The following TENM2 variants were observed in gnomAD, a reference collection of about 807,000 sequenced individuals.
TENM2 encodes teneurin-2.
A neutral mutation model predicts 245.2 loss-of-function variants in TENM2; 52 were observed. That is an observed-to-expected ratio of 0.21 (90% CI 0.17 to 0.27). TENM2 has a LOEUF of 0.27. Ranked by LOEUF, TENM2 falls within the 10% of genes least tolerant of loss-of-function variation. The pLI is 1.00. For synonymous variants in TENM2, 1,363 were observed against 1,438.9 expected (o/e 0.95, Z 1.19); for missense variants, 3,046 against 3,666.8 (o/e 0.83, Z 4.37).
At chr5:167,738,398 TAGA>T (rs1760950148) in intron 2 of TENM2, among the ~76,000 whole-genome samples, 1 of 152,206 alleles carries the variant, frequency 6.6e-6, no homozygotes, top group African/African-American at 2.4e-5. Context: ...AATTTGCTTT[TAGA>T]AGATTTATTG....
chr5:167,090,324 A>C, the TENM2 span, among the ~76,000 whole-genome samples: 30 of 151,840 alleles, frequency 2.0e-4, no homozygotes, highest in East Asian at 5.4e-3. Flanking sequence ...AGCAACAGAG[A>C]CATCTGTCTC....
chr5:167,535,496 G>A lies in TENM2; in HGVS notation c.502+160023G>A, dbSNP rs188023423. Reference sequence around the variant, plus strand: ...TAAGATTAAGCCATGATTTTAATACGTCCTCTCCAAAATTCATGGTGAAAC... The same window carrying A: ...TAAGATTAAGCCATGATTTTAATACATCCTCTCCAAAATTCATGGTGAAAC... On this transcript the variant is annotated intron_variant, in intron 2 of 28. Coordinates refer to ENST00000518659, the Ensembl canonical transcript of TENM2. 2.0e-4 allele frequency among the ~76,000 whole-genome samples: 30 copies of A among 152,200 alleles called. No homozygotes were observed. The South Asian group carries it at 4.8e-3, about 24-fold the overall frequency.
chr5:167,309,860 C>T (rs1403306420), intron 1 of TENM2: 1 of 152,082 alleles, frequency 6.6e-6, no homozygotes, highest in African/African-American at 2.4e-5. Context: ...CAAGGCTTCC[C>T]GGAGACCCTT....
intron 2 of TENM2, among the ~76,000 whole-genome samples, chr5:167,767,635 G>T (rs1474532821): frequency 6.6e-6 from 1 of 152,210 alleles, no homozygotes; most frequent in East Asian, 1.9e-4. Flanking sequence ...ATAGGGAAAA[G>T]AGAAGAGGCT....
chr5:167,321,754 C>T (rs938080280), intron 1 of TENM2, among the ~76,000 whole-genome samples: 3 of 126,092 alleles, frequency 2.4e-5, no homozygotes, highest in East Asian at 4.7e-4. Flanking sequence ...TCTGCCTGGG[C>T]ATTGAATCTG....
At chr5:167,414,654 A>G (rs1283893592) in intron 2 of TENM2, among the ~76,000 whole-genome samples, 1 of 152,100 alleles carries the variant, frequency 6.6e-6, no homozygotes, top group Middle Eastern at 3.2e-3. Flanking sequence ...TGGGATCTGC[A>G]ATAAAAGTGA....
intron 2 of TENM2, among the ~76,000 whole-genome samples, chr5:167,553,153 CAT>C (rs1486731243): frequency 1.3e-5 from 2 of 152,170 alleles, no homozygotes; most frequent in Admixed American, 6.5e-5. Flanking sequence ...GGAAACGAGT[CAT>C]GTGCTGAAAC....
At chr5:167,072,977 G>A in the TENM2 span, among the ~76,000 whole-genome samples, 3 of 152,178 alleles carry the variant, frequency 2.0e-5, no homozygotes, top group Non-Finnish European at 4.4e-5. Flanking sequence ...ATAACAAATA[G>A]ATATTCTATA....
At chr5:167,630,235 A>G (rs976986073) in intron 2 of TENM2, among the ~76,000 whole-genome samples, 1 of 151,334 alleles carries the variant, frequency 6.6e-6, no homozygotes, top group Non-Finnish European at 1.5e-5. Flanking sequence ...CAGCATCACA[A>G]CTCTTGTGCT....
the TENM2 span, among the ~76,000 whole-genome samples, chr5:167,141,323 T>C: frequency 1.3e-5 from 2 of 152,346 alleles, no homozygotes; most frequent in African/African-American, 4.8e-5. Context: ...GTATTATCTT[T>C]CTTGATGGAA....
chr5:168,203,814 A>G, exon 18 of TENM2: 3 of 1,612,038 alleles, frequency 1.9e-6, no homozygotes, highest in Non-Finnish European at 2.5e-6. Flanking sequence ...CAAACACCAC[A>G]TCCTCAATGT....
At chr5:167,157,916 G>A in the TENM2 span, among the ~76,000 whole-genome samples, 1 of 147,122 alleles carries the variant, frequency 6.8e-6, no homozygotes, top group African/African-American at 2.7e-5. Context: ...TATTTATAAT[G>A]TACAATGAGA....
the TENM2 span, among the ~76,000 whole-genome samples, chr5:167,078,875 G>A: frequency 6.6e-6 from 1 of 152,066 alleles, no homozygotes; most frequent in African/African-American, 2.4e-5. Flanking sequence ...CAGCCTTTTT[G>A]TGCTTAGGAT....
intron 6 of TENM2, among the ~76,000 whole-genome samples, chr5:168,061,358 C>T (rs1217612024): frequency 6.6e-6 from 1 of 152,108 alleles, no homozygotes; most frequent in African/African-American, 2.4e-5. Context: ...ATAGGGGGTG[C>T]TGACTGGTTC....
In TENM2 at chr5:168,218,821, G is replaced by GGCAT; in HGVS notation, c.4933_4936dup (p.Pro1646HisfsTer9). 1 of 1,613,966 alleles carries GGCAT rather than the reference G, an allele frequency of 6.2e-7. No individual in the cohort carries two copies. Among genetic ancestry groups the GGCAT allele is most frequent in the Non-Finnish European group, 8.5e-7 (1 of 1,179,896 alleles). On this transcript the variant is annotated frameshift_variant, in exon 23 of 29. Coordinates refer to ENST00000518659, the Ensembl canonical transcript of TENM2. LOFTEE classifies it high-confidence loss of function. This position sits in a 1 kb window ranked among gnomAD's most constrained non-coding sequence, Gnocchi z 5.2. ...CCTGAAGATCCGTCGGGACAGCAGT[G>GGCAT]GCATGCCCCGTCACCTGCTCATGCC...
chr5:168,256,025 C>T (rs932146789), intron 27 of TENM2, among the ~76,000 whole-genome samples: 3 of 151,748 alleles, frequency 2.0e-5, no homozygotes, highest in Admixed American at 6.6e-5. Flanking sequence ...AGGCTGGTCT[C>T]GAACTCCTGA....
At chr5:167,946,774 T>A (rs2151806549) in intron 3 of TENM2, among the ~76,000 whole-genome samples, 1 of 152,298 alleles carries the variant, frequency 6.6e-6, no homozygotes, top group South Asian at 2.1e-4. Flanking sequence ...GAACCTCACT[T>A]ACTGGATCTG....
intron 22 of TENM2, among the ~76,000 whole-genome samples, chr5:168,217,913 G>A (rs866012889): frequency 2.0e-5 from 3 of 152,044 alleles, no homozygotes; most frequent in South Asian, 2.1e-4. Context: ...CAGGTGACAC[G>A]GTAGAAAATA....
rs546539972 is a variant in TENM2 at position 167,395,153 on chromosome 5, T to A, written c.502+19680T>A. 3.3e-5 allele frequency among the ~76,000 whole-genome samples: 5 copies of A among 152,284 alleles called. No homozygotes were observed. In the South Asian group the frequency reaches 1.0e-3, roughly 32 times the overall value. ...TGGGATGCCTTCTCATTTATTTGTG[T>A]CTCTTTTAATTTCTTTTATAAAAGT... On this transcript the variant is annotated intron_variant, in intron 2 of 28. Coordinates refer to ENST00000518659, the Ensembl canonical transcript of TENM2.
Sources: gnomAD v4.1 joint callset for allele counts (sites outside exome capture counted in the v4.1 genomes callset) on GRCh38, gnomAD v4.1.1 for gene constraint, Gnocchi (gnomAD v3.1) non-coding constraint, MANE v1.5 for transcripts, NCBI Gene and HGNC (gene_info 2026-07-23, HGNC 2026-07-21) for gene names.